The following SCAPER variants were observed in gnomAD, a reference collection of about 807,000 sequenced individuals.
SCAPER encodes the protein S phase cyclin A-associated protein in the endoplasmic reticulum.
SCAPER carries 98 observed loss-of-function variants against 182.2 expected under a neutral mutation model. That is an observed-to-expected ratio of 0.54 (90% confidence interval 0.46 to 0.64). The LOEUF is 0.64. Ranked by LOEUF, SCAPER falls within the 30% of genes least tolerant of loss-of-function variation. SCAPER has a pLI of 0.00. For synonymous variants in SCAPER, 605 were observed against 564.6 expected (o/e 1.07, Z -1.01); for missense variants, 1,432 against 1,690.0 (o/e 0.85, Z 2.68).
At chr15:76,658,558 T>A (rs1031396263) in intron 21 of SCAPER, among the ~76,000 whole-genome samples, 1 of 152,008 alleles carries the variant, frequency 6.6e-6, no homozygotes, top group Non-Finnish European at 1.5e-5. Flanking sequence ...TAGAAAAAAA[T>A]TATTTAAAAA....
intron 1 of SCAPER, among the ~76,000 whole-genome samples, chr15:76,902,387 T>A (rs931366687): frequency 6.6e-5 from 10 of 152,218 alleles, no homozygotes; most frequent in African/African-American, 1.7e-4. Context: ...TTGTGTACTA[T>A]GCTTATGGCC....
intron 1 of SCAPER, among the ~76,000 whole-genome samples, chr15:76,890,459 G>A (rs2074100638): frequency 6.6e-6 from 1 of 152,058 alleles, no homozygotes; most frequent in Non-Finnish European, 1.5e-5. Flanking sequence ...GAATGAAATA[G>A]ATGCAATAAA....
chr15:76,687,162 T>C (rs1280718146), intron 20 of SCAPER, among the ~76,000 whole-genome samples: 1 of 152,148 alleles, frequency 6.6e-6, no homozygotes, highest in Admixed American at 6.5e-5. Flanking sequence ...TAATAGCATA[T>C]TGGCATTCTT....
chr15:76,774,499 A>C (rs892026915), intron 9 of SCAPER: 5 of 312,470 alleles, frequency 1.6e-5, no homozygotes, highest in Non-Finnish European at 3.0e-5. Context: ...TCCAAATTTT[A>C]TAATTGTAAT....
chr15:76,808,584 T>C (rs2066354680), intron 5 of SCAPER, among the ~76,000 whole-genome samples: 1 of 152,154 alleles, frequency 6.6e-6, no homozygotes, highest in African/African-American at 2.4e-5. Context: ...CGACTCCCAA[T>C]TTCTCCCTCA....
chr15:76,868,775 G>GA lies in SCAPER; in HGVS notation c.7-6243dup, dbSNP rs765664252. Among the ~76,000 whole-genome samples the GA allele has an allele frequency of 1.1e-3, 168 of 151,074 alleles. 1 individual carries two copies. Among genetic ancestry groups the GA allele is most frequent in the African/African-American group, 1.5e-3 (63 of 41,178 alleles). On this transcript the variant is annotated intron_variant, in intron 2 of 31. Coordinates refer to ENST00000563290, the MANE Select transcript of SCAPER (RefSeq NM_020843.4). ...ACCAATGACATTCTTTACAGAAATA[G>GA]AAAAAAAAATCCTAAAACTTATATG...
intron 17 of SCAPER, among the ~76,000 whole-genome samples, chr15:76,716,617 T>TA (rs745791170): frequency 1.3e-4 from 19 of 151,684 alleles, no homozygotes; most frequent in Non-Finnish European, 2.5e-4. Flanking sequence ...AGATATCATT[T>TA]AAAAAATCTC....
At position 76,604,111 on chromosome 15, in the gene SCAPER, C is replaced by A. The variant is rs2050147374; in HGVS notation, c.2711+17653G>T. Among the ~76,000 whole-genome samples, 2 of 119,862 alleles carry A rather than the reference C, an allele frequency of 1.7e-5. 1 individual carries two copies. The highest frequency in any genetic ancestry group is 4.0e-5 in the Non-Finnish European group (2 of 49,468). The allele number at this position is 119,862 out of a possible 152,430, so 78.6% of individuals were successfully genotyped here. ...TGAAGTCCTTGCCCATGCCTATGTC[C>A]TGAATGGTATTGCCTAGGTTTTCTT... On this transcript the variant is annotated intron_variant, in intron 22 of 31. Coordinates refer to ENST00000563290, the MANE Select transcript of SCAPER (RefSeq NM_020843.4).
intron 17 of SCAPER, among the ~76,000 whole-genome samples, chr15:76,713,062 A>T (rs986120717): frequency 2.6e-5 from 4 of 152,076 alleles, no homozygotes. Flanking sequence ...TCAGTATGAT[A>T]TTGGCTGTGG....
At position 76,605,815 on chromosome 15, in the gene SCAPER, A is replaced by G. The variant is rs550389840; in HGVS notation, c.2711+15949T>C. On this transcript the variant is annotated intron_variant, in intron 22 of 31. Transcript: ENST00000563290. ...GATTTTCTAGTTTATTTGCATAGAG[A>G]TGTTTATAGTATTCTCTGATGGTAG... 8.5e-4 allele frequency among the ~76,000 whole-genome samples: 129 copies of G among 152,160 alleles called. 1 individual carries two copies. The highest frequency in any genetic ancestry group is 1.2e-3 in the Admixed American group (19 of 15,278).
rs35557205 is a variant in SCAPER at position 76,838,370 on chromosome 15, T to C, written c.393+3364A>G. Among the ~76,000 whole-genome samples the C allele has an allele frequency of 8.6e-3, 1,313 of 152,096 alleles. 13 individuals carry two copies. The highest frequency in any genetic ancestry group is 0.014 in the Non-Finnish European group (969 of 67,964). ...GATTGAGTACGCACAGAAACAAATA[T>C]GAGAATAGGAGACACTGGGGCCCAA... is the stretch of plus-strand genomic sequence containing the variant. On this transcript the variant is annotated intron_variant, in intron 5 of 31. Transcript: ENST00000563290.
Position 76,376,306 on chromosome 15 carries a change from A to G in SCAPER, c.3711T>C (p.Ile1237=), listed in dbSNP as rs1308364290. 13 of 1,611,236 alleles carry G rather than the reference A, an allele frequency of 8.1e-6. No homozygotes were observed. The highest frequency in any genetic ancestry group is 1.3e-5 in the African/African-American group (1 of 74,850). ...CAAGGGACAAGCCCTCTGCCCCTAC[A>G]ATAGACTGACAAAGACAAGGAGCAG... ...AALHLPAFQS[I]VGAEGLSLAF... is the part of the protein sequence containing the mutation. Residue 1237 remains isoleucine (I), a synonymous_variant, in exon 29 of 32, where the codon ATT becomes ATC. Coordinates refer to ENST00000563290, the MANE Select transcript of SCAPER (RefSeq NM_020843.4).
intron 23 of SCAPER, among the ~76,000 whole-genome samples, chr15:76,509,860 T>C (rs1418700917): frequency 6.6e-6 from 1 of 152,122 alleles, no homozygotes; most frequent in African/African-American, 2.4e-5. Context: ...AGCATGGTAC[T>C]GGTATAAAAA....
At chr15:76,518,549 G>C (rs951214261) in intron 23 of SCAPER, among the ~76,000 whole-genome samples, 2 of 152,022 alleles carry the variant, frequency 1.3e-5, no homozygotes, top group Admixed American at 6.6e-5. Flanking sequence ...GCAGGGGCAG[G>C]GTTTTCTCAG....
intron 2 of SCAPER, among the ~76,000 whole-genome samples, chr15:76,874,884 G>A (rs2073032857): frequency 6.6e-6 from 1 of 151,980 alleles, no homozygotes; most frequent in South Asian, 2.1e-4. Flanking sequence ...GATCACTGGA[G>A]CCCAGGAGTT....
intron 14 of SCAPER, among the ~76,000 whole-genome samples, chr15:76,758,717 A>C (rs1186090807): frequency 6.6e-6 from 1 of 152,190 alleles, no homozygotes; most frequent in Non-Finnish European, 1.5e-5. Context: ...CTAATCCATG[A>C]ACAGGGATAT....
rs553998092 is a variant in SCAPER at position 76,744,382 on chromosome 15, C to G, written c.1866+9426G>C. ...CAGAATGGGAGACAATATTTGCAAA[C>G]AATGCATCTAACAAAGTCTAATATC... is the stretch of plus-strand genomic sequence containing the variant. On this transcript the variant is annotated intron_variant, in intron 15 of 31. Coordinates refer to ENST00000563290, the MANE Select transcript of SCAPER (RefSeq NM_020843.4). 2.6e-5 allele frequency among the ~76,000 whole-genome samples: 4 copies of G among 152,112 alleles called. No homozygotes were observed. In the South Asian group the frequency reaches 8.3e-4, roughly 32 times the overall value.
intron 15 of SCAPER, among the ~76,000 whole-genome samples, chr15:76,734,846 C>T (rs961307245): frequency 6.6e-6 from 1 of 152,064 alleles, no homozygotes; most frequent in Non-Finnish European, 1.5e-5. Context: ...CACTGCACTC[C>T]AGCCTGGGCG....
intron 27 of SCAPER, among the ~76,000 whole-genome samples, chr15:76,393,133 T>C (rs1397940199): frequency 2.0e-5 from 3 of 152,178 alleles, no homozygotes; most frequent in Non-Finnish European, 4.4e-5. Flanking sequence ...TATTAGCACT[T>C]TGCCATTGTG....
Sources: allele counts gnomAD v4.1 joint callset (sites outside exome capture counted in the v4.1 genomes callset), GRCh38; gene constraint gnomAD v4.1.1; transcripts MANE v1.5; gene names NCBI Gene and HGNC (gene_info 2026-07-23, HGNC 2026-07-21).